Variants in NKAIN3 observed in about 807,000 individuals in gnomAD.
NKAIN3 encodes sodium/potassium transporting ATPase interacting 3, also known as sodium/potassium-transporting ATPase subunit beta-1-interacting protein 3.
NKAIN3 carries 25 observed loss-of-function variants against 30.2 expected under a neutral mutation model. The ratio of observed to expected loss-of-function variants is 0.83; its 90% CI spans 0.60 to 1.16. The LOEUF (loss-of-function observed/expected upper bound fraction) is 1.16. Ranked by LOEUF, NKAIN3 falls within the 50% of genes most tolerant of loss-of-function variation. The pLI is 0.00. For missense variants in NKAIN3, 225 were observed against 254.1 expected, an observed-to-expected ratio of 0.89 and a Z score of 0.78; for synonymous variants, 91 against 89.6, an observed-to-expected ratio of 1.02 and a Z score of -0.09.
intron 1 of NKAIN3, among the ~76,000 whole-genome samples, chr8:62,307,317 T>C (rs1254995655): frequency 3.3e-5 from 5 of 149,372 alleles, no homozygotes; most frequent in Admixed American, 3.3e-4. Context: ...AAGCCAAAAT[T>C]CTATATAAAC....
chr8:62,876,496 A>C (rs1820797276), intron 4 of NKAIN3, among the ~76,000 whole-genome samples: 1 of 152,210 alleles, frequency 6.6e-6, no homozygotes, highest in South Asian at 2.1e-4. Flanking sequence ...TCATTCTACT[A>C]TAAAGACACA....
chr8:62,641,496 T>G (rs1407580026), intron 3 of NKAIN3, among the ~76,000 whole-genome samples: 3 of 152,150 alleles, frequency 2.0e-5, no homozygotes, highest in Non-Finnish European at 2.9e-5. Context: ...CATAAATTCT[T>G]TGTAGCACAT....
intron 1 of NKAIN3, among the ~76,000 whole-genome samples, chr8:62,542,431 T>A (rs1332649049): frequency 6.6e-6 from 1 of 152,194 alleles, no homozygotes; most frequent in African/African-American, 2.4e-5. Flanking sequence ...TTTGCGTAAC[T>A]ATGAAATATT....
intron 1 of NKAIN3, among the ~76,000 whole-genome samples, chr8:62,509,927 A>G (rs1034472528): frequency 6.6e-6 from 1 of 152,140 alleles, no homozygotes; most frequent in Admixed American, 6.6e-5. Flanking sequence ...AAAAATTACC[A>G]AGGGACATAG....
At chr8:62,547,180 T>G (rs1809043715) in intron 1 of NKAIN3, among the ~76,000 whole-genome samples, 1 of 152,170 alleles carries the variant, frequency 6.6e-6, no homozygotes, top group African/African-American at 2.4e-5. Context: ...GTGTCTCTAG[T>G]GATCTGTATT....
At chr8:62,362,865 G>C in intron 1 of NKAIN3, among the ~76,000 whole-genome samples, 1 of 151,304 alleles carries the variant, frequency 6.6e-6, no homozygotes, top group Non-Finnish European at 1.5e-5. Context: ...AGCTGGATTG[G>C]TTATAGCTCG....
At chr8:62,423,236 A>G (rs1205233474) in intron 1 of NKAIN3, among the ~76,000 whole-genome samples, 1 of 152,052 alleles carries the variant, frequency 6.6e-6, no homozygotes, top group African/African-American at 2.4e-5. Flanking sequence ...TGTGGAAGGA[A>G]GGATAGCCTG....
chr8:62,746,356 A>G (rs923258089), intron 3 of NKAIN3, among the ~76,000 whole-genome samples: 2 of 152,214 alleles, frequency 1.3e-5, no homozygotes, highest in Admixed American at 1.3e-4. Context: ...CATGATCCTA[A>G]TTTAATCACA....
At chr8:62,959,357 C>T (rs916692625) in intron 6 of NKAIN3, among the ~76,000 whole-genome samples, 2 of 151,596 alleles carry the variant, frequency 1.3e-5, no homozygotes, top group Non-Finnish European at 2.9e-5. Context: ...CATTAGTACC[C>T]CTATATGTAA....
At chr8:62,953,007 G>T (rs1438142510) in intron 5 of NKAIN3, among the ~76,000 whole-genome samples, 1 of 152,074 alleles carries the variant, frequency 6.6e-6, no homozygotes, top group Non-Finnish European at 1.5e-5. Context: ...TATGGGTTTT[G>T]TCTTATGAAT....
chr8:62,863,705 C>T (rs1820329208), intron 4 of NKAIN3: 2 of 1,511,624 alleles, frequency 1.3e-6, no homozygotes, highest in Non-Finnish European at 1.8e-6. Flanking sequence ...GTCTGTATCA[C>T]GCTGAGCACT....
intron 3 of NKAIN3, among the ~76,000 whole-genome samples, chr8:62,702,606 G>A (rs1019040986): frequency 2.6e-5 from 4 of 152,084 alleles, no homozygotes; most frequent in Admixed American, 6.6e-5. Context: ...TGGTTTTCTA[G>A]ATGGTTTCAA....
rs78115659 is a variant in NKAIN3 at position 62,830,176 on chromosome 8, C to T, written c.471+83047C>T. Among the ~76,000 whole-genome samples, 236 of 152,256 alleles carry T rather than the reference C, an allele frequency of 1.6e-3. 6 individuals are homozygous for T. The East Asian group carries it at 0.045, about 29-fold the overall frequency. The stretch of plus-strand genomic sequence containing the variant: ...CATAGAAAATTTCTAGGTACATTTT[C>T]AGAAACCTATATTTTCTGGTTTTGT... On this transcript the variant is annotated intron_variant, in intron 4 of 6. Transcript: ENST00000623646.
intron 5 of NKAIN3, among the ~76,000 whole-genome samples, chr8:62,927,168 C>T (rs1413726086): frequency 3.9e-5 from 6 of 152,068 alleles, no homozygotes; most frequent in Admixed American, 3.9e-4. Context: ...ACTGACAGCA[C>T]TCCCTTCCTC....
chr8:62,998,043 A>G (rs191172664), intron 5 of NKAIN3, among the ~76,000 whole-genome samples: 17 of 152,184 alleles, frequency 1.1e-4, no homozygotes, highest in Admixed American at 1.0e-3. Flanking sequence ...ATTTTTTCCA[A>G]TATATTTCAT....
chr8:62,685,964 A>AT (rs1323500980), intron 3 of NKAIN3, among the ~76,000 whole-genome samples: 7 of 152,026 alleles, frequency 4.6e-5, no homozygotes, highest in East Asian at 1.9e-4. Flanking sequence ...AATTAGTTAC[A>AT]TTTTTTTAAA....
intron 2 of NKAIN3, among the ~76,000 whole-genome samples, chr8:62,586,134 A>G (rs1810464928): frequency 6.6e-6 from 1 of 152,234 alleles, no homozygotes; most frequent in African/African-American, 2.4e-5. Context: ...CTGGACTTTT[A>G]TGCAAATGCT....
chr8:62,696,853 T>C (rs1178337489), intron 3 of NKAIN3, among the ~76,000 whole-genome samples: 1 of 152,198 alleles, frequency 6.6e-6, no homozygotes, highest in Non-Finnish European at 1.5e-5. Context: ...TTTGTGGGGA[T>C]ACTATCTGAT....
chr8:62,840,767 A>G (rs1819506456), intron 4 of NKAIN3, among the ~76,000 whole-genome samples: 1 of 152,146 alleles, frequency 6.6e-6, no homozygotes, highest in South Asian at 2.1e-4. Context: ...GAAAAATATA[A>G]CTATGGCAAA....
Sources: gnomAD v4.1 joint callset for allele counts (sites outside exome capture counted in the v4.1 genomes callset) on GRCh38, gnomAD v4.1.1 for gene constraint, MANE v1.5 for transcripts, NCBI Gene and HGNC (gene_info 2026-07-23, HGNC 2026-07-21) for gene names.